The following CAD variants were observed in gnomAD, a reference collection of about 807,000 sequenced individuals.
CAD encodes the protein carbamoyl-phosphate synthetase 2, aspartate transcarbamylase, and dihydroorotase.
In CAD, 81 loss-of-function variants were observed where a neutral mutation model predicts 237.2. That is an observed-to-expected ratio of 0.34 (90% CI 0.29 to 0.41). The LOEUF (loss-of-function observed/expected upper bound fraction) is 0.41, where lower values mean the gene tolerates loss of function less well. CAD is among the 10% of genes least tolerant of loss of function. CAD has a pLI of 1.00. For synonymous variants in CAD, 1,196 were observed against 1,162.8 expected (o/e 1.03, Z -0.58); for missense variants, 2,181 against 2,951.7 (o/e 0.74, Z 6.05).
At chr2:27,230,334 A>C (rs1675679489) in intron 15 of CAD, among the ~76,000 whole-genome samples, 1 of 151,470 alleles carries the variant, frequency 6.6e-6, no homozygotes, top group Non-Finnish European at 1.5e-5. Context: ...GTATGCTGTG[A>C]TGATATGTAA....
rs771536891 is a variant in CAD at position 27,232,061 on chromosome 2, G to C, written c.2482G>C (p.Glu828Gln). ...TGGTTATTCAGTGGACCGCCTGTAT[G>C]AGCTCACACGCATCGACCGCTGGTT... Reference protein sequence around the residue: ...WAGYSVDRLYELTRIDRWFLH... With the variant: ...WAGYSVDRLYQLTRIDRWFLH... The change falls in exon 17 of 44, where the codon GAG becomes CAG. Residue 828 changes from glutamate to glutamine, a missense_variant. Transcript: ENST00000264705. The surrounding 1 kb of genome is among the most constrained non-coding windows in gnomAD (Gnocchi z 4.1). 1 of 1,614,224 alleles carries C rather than the reference G, an allele frequency of 6.2e-7. No homozygotes were observed. Among genetic ancestry groups the C allele is most frequent in the South Asian group, 1.1e-5 (1 of 91,068 alleles).
rs762859915 is a variant in CAD at position 27,222,527 on chromosome 2, G to A, written c.504G>A (p.Arg168=). 2 of 1,613,906 alleles carry A rather than the reference G, an allele frequency of 1.2e-6. No homozygotes were observed. Among genetic ancestry groups the A allele is most frequent in the Admixed American group, 1.7e-5 (1 of 60,004 alleles). The change falls in exon 5 of 44, where the codon CGG becomes CGA. Residue 168 remains arginine (R), a synonymous_variant. Transcript: ENST00000264705. The part of the protein sequence containing the change: ...LVPEVSIKTP[R]VFNTGGAPRI... ...ATTCGTCTATTTCTCAGACTCCACG[G>A]GTATTCAATACAGGGGGTGCCCCTC...
In CAD at chr2:27,239,409, A is replaced by G. The variant is rs771422725; in HGVS notation, c.5332A>G (p.Lys1778Glu). 1 of 1,614,188 alleles carries G rather than the reference A, an allele frequency of 6.2e-7. No homozygotes were observed. The highest frequency in any genetic ancestry group is 1.1e-5 in the South Asian group (1 of 91,086). The change falls in exon 33 of 44, where the codon AAA (lysine) becomes GAA (glutamate). Residue 1778 changes from lysine to glutamate, a missense_variant. Physicochemically the swap from Lys to Glu is moderately conservative, Grantham distance 56. Transcript: ENST00000264705. This position sits in a 1 kb window ranked among gnomAD's most constrained non-coding sequence, Gnocchi z 4.0. ...CCACTGGACACCTTTTGAAGGGCAG[A>G]AAGTGAAGGGCACCGTCCGCCGTGT... ...KAHWTPFEGQKVKGTVRRVVL... is the reference protein window; with the variant it reads ...KAHWTPFEGQEVKGTVRRVVL...
chr2:27,238,550 C>G lies in CAD; in HGVS notation c.4980C>G (p.Val1660=), dbSNP rs766507567. ...LERLGPGKGE[V]RPELGSRQDV... ...GCCTGGGGCCTGGGAAGGGGGAGGT[C>G]CGGCCTGAGCTTGGCTCCCGCCAGG... Residue 1660 remains valine (V), a synonymous_variant, in exon 31 of 44, where the codon GTC becomes GTG. Transcript: ENST00000264705. 3 of 1,614,144 alleles carry G rather than the reference C, an allele frequency of 1.9e-6. No individual in the cohort carries two copies. Among genetic ancestry groups the G allele is most frequent in the Non-Finnish European group, 2.5e-6 (3 of 1,180,022 alleles).
In CAD at chr2:27,235,308, A is replaced by G. The variant is rs1352741846; in HGVS notation, c.3850A>G (p.Ser1284Gly). 1 of 1,613,932 alleles carries G rather than the reference A, an allele frequency of 6.2e-7. No individual in the cohort carries two copies. Among genetic ancestry groups the G allele is most frequent in the East Asian group, 2.2e-5 (1 of 44,862 alleles). ...CGTGGTGTTGGGTGTGGAAATGACC[A>G]GTACTGGGGAGGTGGCCGGCTTTGG... ...ADVVLGVEMT[S>G]TGEVAGFGES... The change falls in exon 24 of 44, where the codon AGT becomes GGT. Residue 1284 changes from serine (S) to glycine (G), a missense_variant. Physicochemically the swap from Ser to Gly is moderately conservative, Grantham distance 56. Transcript: ENST00000264705. This position sits in a 1 kb window ranked among gnomAD's most constrained non-coding sequence, Gnocchi z 5.2.
At position 27,236,361 on chromosome 2, in the gene CAD, A is replaced by T. The variant is rs1321669701; in HGVS notation, c.4152A>T (p.Leu1384=). The T allele has an allele frequency of 6.2e-7, 1 of 1,614,098 alleles. No homozygotes were observed. Among genetic ancestry groups the T allele is most frequent in the African/African-American group, 1.3e-5 (1 of 74,936 alleles). Residue 1384 remains leucine (L), a synonymous_variant, in exon 26 of 44, where the codon CTA becomes CTT. Transcript: ENST00000264705. This position sits in a 1 kb window ranked among gnomAD's most constrained non-coding sequence, Gnocchi z 4.1. ...CACAGCGGAGCATCCTGGAGCAGCT[A>T]GCTGAGAAAAACTTTGAGCTGGTGA... ...CPPQRSILEQ[L]AEKNFELVIN...
rs767734338 is a variant in CAD at position 27,225,899 on chromosome 2, G to A, written c.1815G>A (p.Val605=). Residue 605 remains valine (V), a synonymous_variant, in exon 12 of 44, where the codon GTG becomes GTA. Coordinates refer to ENST00000264705, the MANE Select transcript of CAD (RefSeq NM_004341.5). ...KGWKEIEYEV[V]RDAYGNCVTV... ...GGAAGGAGATTGAGTACGAGGTGGT[G>A]AGAGACGCCTATGGCAACTGTGTCA... 1.9e-6 allele frequency: 3 copies of A among 1,614,236 alleles called. No homozygotes were observed. Among genetic ancestry groups the A allele is most frequent in the South Asian group, 1.1e-5 (1 of 91,086 alleles).
In CAD at chr2:27,236,692, C is replaced by CT. The variant is rs749387720; in HGVS notation, c.4315-56dup. The CT allele has an allele frequency of 3.7e-5, 58 of 1,573,946 alleles. No individual in the cohort carries two copies. Among genetic ancestry groups the CT allele is most frequent in the Non-Finnish European group, 5.0e-5 (57 of 1,143,780 alleles). Reference sequence around the variant, plus strand: ...CCTGGTTTATGGGAAAACCACATCTCTCCCTACAACTCCCAGGATCACCCT... The same window carrying CT: ...CCTGGTTTATGGGAAAACCACATCTCTTCCCTACAACTCCCAGGATCACCCT... On this transcript the variant is annotated intron_variant, in intron 26 of 43. Transcript: ENST00000264705. The surrounding 1 kb of genome is among the most constrained non-coding windows in gnomAD (Gnocchi z 4.1).
Position 27,232,153 on chromosome 2 carries a change from G to C in CAD, c.2574G>C (p.Leu858Phe), listed in dbSNP as rs757992946. ...QLLEQHRGQP[L>F]PPDLLQQAKC... is the part of the protein sequence containing the mutation. ...TAGAACAACACCGTGGACAGCCTTTGCCGCCAGACCTGCTGCAACAGGCCA... is the reference window on the plus strand; with the variant it reads ...TAGAACAACACCGTGGACAGCCTTTCCCGCCAGACCTGCTGCAACAGGCCA... The change falls in exon 17 of 44, where the codon TTG becomes TTC. Residue 858 changes from leucine to phenylalanine, a missense_variant. Physicochemically the swap from Leu to Phe is conservative, Grantham distance 22 (BLOSUM62 0). Transcript: ENST00000264705. The surrounding 1 kb of genome is among the most constrained non-coding windows in gnomAD (Gnocchi z 4.1). 9.3e-6 allele frequency: 15 copies of C among 1,614,136 alleles called. No individual in the cohort carries two copies. The highest frequency in any genetic ancestry group is 1.2e-5 in the Non-Finnish European group (14 of 1,180,062).
intron 15 of CAD, among the ~76,000 whole-genome samples, chr2:27,229,827 G>C (rs1675636571): frequency 6.9e-6 from 1 of 144,736 alleles, no homozygotes; most frequent in Non-Finnish European, 1.5e-5. Flanking sequence ...AGTGAGCTGA[G>C]ATTGCACCAC....
At chr2:27,219,714 C>G (rs1478175894) in intron 2 of CAD, among the ~76,000 whole-genome samples, 1 of 152,080 alleles carries the variant, frequency 6.6e-6, no homozygotes, top group Non-Finnish European at 1.5e-5. Context: ...CTCAGCCTCC[C>G]GAGTAGCTGG....
At chr2:27,228,332 C>T (rs1412236947) in intron 15 of CAD, among the ~76,000 whole-genome samples, 1 of 152,224 alleles carries the variant, frequency 6.6e-6, no homozygotes, top group African/African-American at 2.4e-5. Flanking sequence ...GCACAGACTT[C>T]TATAAAGTTA....
In CAD at chr2:27,243,369, T is replaced by C. The variant is rs758785891; in HGVS notation, c.6576-47T>C. 1.5e-5 allele frequency: 24 copies of C among 1,592,238 alleles called. No individual in the cohort carries two copies. In the Admixed American group the frequency reaches 3.2e-4, roughly 21 times the overall value. The stretch of plus-strand genomic sequence containing the variant: ...GACTTAGTCCTGGACAAGCCATCCA[T>C]GGGCTGCACGATAACACTTCCTTTT... On this transcript the variant is annotated intron_variant, in intron 43 of 43. Coordinates refer to ENST00000264705, the MANE Select transcript of CAD (RefSeq NM_004341.5).
Position 27,233,160 on chromosome 2 carries a change from C to T in CAD, c.2991+20C>T, listed in dbSNP as rs1438726399. The T allele has an allele frequency of 6.3e-7, 1 of 1,579,994 alleles. No homozygotes were observed. Among genetic ancestry groups the T allele is most frequent in the African/African-American group, 1.3e-5 (1 of 74,236 alleles). ...TTTGAGGTGAGGGAGATGGAGGCTT[C>T]CTGGTAGCTTGAGTGGCCAGGGTCG... On this transcript the variant is annotated intron_variant, in intron 19 of 43. Coordinates refer to ENST00000264705, the MANE Select transcript of CAD (RefSeq NM_004341.5). This position sits in a 1 kb window ranked among gnomAD's most constrained non-coding sequence, Gnocchi z 6.3.
At position 27,243,390 on chromosome 2, in the gene CAD, C is replaced by CTTTTT. The variant is rs5830040; in HGVS notation, c.6576-9_6576-5dup. ...TCCATGGGCTGCACGATAACACTTC[C>CTTTTT]TTTTTTTTTTTTTTTTTTTTTGCAG... On this transcript the variant is annotated intron_variant, in intron 43 of 43. Transcript: ENST00000264705. 56 of 1,378,682 alleles carry CTTTTT rather than the reference C, an allele frequency of 4.1e-5. 1 individual carries two copies. Among genetic ancestry groups the CTTTTT allele is most frequent in the Admixed American group, 1.5e-4 (7 of 46,256 alleles). 85.4% of individuals were successfully genotyped at this position (1,378,682 alleles called of 1,614,324 possible).
chr2:27,242,506 G>T lies in CAD; in HGVS notation c.6222+79G>T. The T allele has an allele frequency of 6.4e-7, 1 of 1,572,138 alleles. No individual in the cohort carries two copies. The highest frequency in any genetic ancestry group is 8.7e-7 in the Non-Finnish European group (1 of 1,154,364). ...GGCAGGAAGTGGTTACCCCGGTACA[G>T]GACAGCTGCATCAAGGAGGCCTTCA... On this transcript the variant is annotated intron_variant, in intron 40 of 43. Coordinates refer to ENST00000264705, the MANE Select transcript of CAD (RefSeq NM_004341.5). The surrounding 1 kb of genome is among the most constrained non-coding windows in gnomAD (Gnocchi z 6.4).
At position 27,241,524 on chromosome 2, in the gene CAD, C is replaced by A; in HGVS notation, c.5883+128C>A. On this transcript the variant is annotated intron_variant, in intron 38 of 43. Transcript: ENST00000264705. This position sits in a 1 kb window ranked among gnomAD's most constrained non-coding sequence, Gnocchi z 4.6. The stretch of plus-strand genomic sequence containing the variant: ...ATCCCGTCCCCTTATGCTAGTCCAT[C>A]CCTCTGCTGCTGTAGATCTTCCCCC... The A allele has an allele frequency of 2.3e-6, 2 of 869,720 alleles. No individual in the cohort carries two copies. Among genetic ancestry groups the A allele is most frequent in the Non-Finnish European group, 3.7e-6 (2 of 536,386 alleles). The allele number at this position is 869,720 out of a possible 1,614,324, so 53.9% of individuals were successfully genotyped here.
intron 2 of CAD, among the ~76,000 whole-genome samples, chr2:27,218,773 A>G (rs1460950337): frequency 6.6e-6 from 1 of 152,168 alleles, no homozygotes; most frequent in Admixed American, 6.5e-5. Flanking sequence ...AAAACCCAAC[A>G]TATAGTAATT....
chr2:27,222,795 T>TG (rs1173068077), intron 5 of CAD, 71 bp from the exon 6 acceptor site: 108 of 1,580,352 alleles, frequency 6.8e-5, no homozygotes, highest in Middle Eastern at 1.7e-4. Flanking sequence ...TCTCATGGGC[T>TG]GGGGGGGCTG....
Sources: gnomAD v4.1 joint callset for allele counts (sites outside exome capture counted in the v4.1 genomes callset) on GRCh38, gnomAD v4.1.1 for gene constraint, Gnocchi (gnomAD v3.1) non-coding constraint, MANE v1.5 for transcripts, NCBI Gene and HGNC (gene_info 2026-07-23, HGNC 2026-07-21) for gene names.